The following CNTNAP2 variants were observed in gnomAD, a reference collection of about 807,000 sequenced individuals.
CNTNAP2 encodes contactin associated protein 2, also known as contactin-associated protein-like 2.
CNTNAP2 carries 98 observed loss-of-function variants against 155.2 expected under a neutral mutation model. The ratio of observed to expected loss-of-function variants is 0.63; its 90% CI spans 0.54 to 0.75. The LOEUF (loss-of-function observed/expected upper bound fraction) is 0.75. CNTNAP2 is among the 30% of genes least tolerant of loss of function. The pLI is 0.00. For synonymous variants in CNTNAP2, 651 were observed against 631.2 expected (o/e 1.03, Z -0.47); for missense variants, 1,727 against 1,688.1 (o/e 1.02, Z -0.40).
chr7:147,434,804 A>G (rs1367983155), intron 10 of CNTNAP2, among the ~76,000 whole-genome samples: 1 of 152,214 alleles, frequency 6.6e-6, no homozygotes, highest in Admixed American at 6.5e-5. Flanking sequence ...ATGGTCTGCT[A>G]TGCTGCGCAG....
intron 10 of CNTNAP2, among the ~76,000 whole-genome samples, chr7:147,465,334 A>G (rs1160046824): frequency 1.3e-5 from 2 of 152,078 alleles, no homozygotes; most frequent in Middle Eastern, 3.4e-3. Context: ...GAAAAAATGT[A>G]TATTTCATTT....
At chr7:147,376,847 T>C (rs1796443066) in intron 9 of CNTNAP2, among the ~76,000 whole-genome samples, 1 of 151,944 alleles carries the variant, frequency 6.6e-6, no homozygotes, top group Non-Finnish European at 1.5e-5. Context: ...CTACTGTATA[T>C]TACAAATGAT....
intron 1 of CNTNAP2, among the ~76,000 whole-genome samples, chr7:146,503,082 G>T (rs765552150): frequency 6.6e-6 from 1 of 151,888 alleles, no homozygotes; most frequent in Non-Finnish European, 1.5e-5. Flanking sequence ...TATTTATTCT[G>T]GTTATTTATC....
Position 147,416,852 on chromosome 7 carries a change from G to A in CNTNAP2, c.1670+21072G>A, listed in dbSNP as rs1797201560. 2.0e-5 allele frequency among the ~76,000 whole-genome samples: 3 copies of A among 152,076 alleles called. No homozygotes were observed. The South Asian group carries it at 6.2e-4, about 31-fold the overall frequency. On this transcript the variant is annotated intron_variant, in intron 10 of 23. Coordinates refer to ENST00000361727, the MANE Select transcript of CNTNAP2 (RefSeq NM_014141.6). Reference sequence around the variant, plus strand: ...CTCAGTAATCCTAGCACTTTGGGAGGCCAAGGCAGGCAGATCACCTGAGTT... The same window carrying A: ...CTCAGTAATCCTAGCACTTTGGGAGACCAAGGCAGGCAGATCACCTGAGTT...
At chr7:147,491,471 G>C (rs6961756) in intron 11 of CNTNAP2, among the ~76,000 whole-genome samples, 104,769 of 152,034 alleles carry the variant, frequency 0.69, 36,266 homozygotes, top group African/African-American at 0.72. Context: ...ACACACATAT[G>C]TCTTTTAGCA....
intron 1 of CNTNAP2, among the ~76,000 whole-genome samples, chr7:146,361,117 A>T (rs1795076129): frequency 6.6e-6 from 1 of 152,158 alleles, no homozygotes; most frequent in Admixed American, 6.5e-5. Context: ...AGAACGACAA[A>T]TTCCTGAAAT....
At chr7:147,242,987 A>ATTTTTTTTTTTTTTTTTTTTTTTTTTTTT (rs766917054) in intron 8 of CNTNAP2, among the ~76,000 whole-genome samples, 3 of 47,168 alleles carry the variant, frequency 6.4e-5, no homozygotes, top group African/African-American at 8.5e-5. Flanking sequence ...TATGCTTTGC[A>ATTTTTTTTTTTTTTTTTTTTTTTTTTTTT]TTTTTTTTTT....
At chr7:148,409,006 T>C (rs1799766227) in intron 22 of CNTNAP2, among the ~76,000 whole-genome samples, 1 of 152,224 alleles carries the variant, frequency 6.6e-6, no homozygotes, top group South Asian at 2.1e-4. Flanking sequence ...CATCTACAAA[T>C]ACATTGAATG....
intron 1 of CNTNAP2, among the ~76,000 whole-genome samples, chr7:146,203,711 T>G (rs956190271): frequency 2.6e-5 from 4 of 152,074 alleles, no homozygotes; most frequent in African/African-American, 9.6e-5. Context: ...CCTGCCTTGG[T>G]TTTTCTGGTT....
intron 1 of CNTNAP2, among the ~76,000 whole-genome samples, chr7:146,335,671 C>G (rs1801262210): frequency 6.6e-6 from 1 of 152,102 alleles, no homozygotes; most frequent in African/African-American, 2.4e-5. Context: ...AAAAAGTCTC[C>G]CTTTTAATAT....
chr7:146,340,187 A>G (rs1288101246), intron 1 of CNTNAP2, among the ~76,000 whole-genome samples: 3 of 149,684 alleles, frequency 2.0e-5, no homozygotes, highest in Admixed American at 2.0e-4. Flanking sequence ...AAAAAAAAAA[A>G]AAAAGAAATA....
chr7:146,716,939 G>A lies in CNTNAP2; in HGVS notation c.98-57332G>A, dbSNP rs192429153. Among the ~76,000 whole-genome samples the A allele has an allele frequency of 9.5e-4, 144 of 152,170 alleles. 1 individual carries two copies. In the East Asian group the frequency reaches 0.023, roughly 25 times the overall value. ...ATCAGGAAAATTAAAATAAATGGGG[G>A]CCTCAATTATATCTAGAAAGATATT... is the stretch of plus-strand genomic sequence containing the variant. On this transcript the variant is annotated intron_variant, in intron 1 of 23. Coordinates refer to ENST00000361727, the MANE Select transcript of CNTNAP2 (RefSeq NM_014141.6).
At chr7:147,140,011 C>A (rs1563090728) in intron 8 of CNTNAP2, among the ~76,000 whole-genome samples, 1 of 152,028 alleles carries the variant, frequency 6.6e-6, no homozygotes, top group Non-Finnish European at 1.5e-5. Context: ...TGAGCTCAGA[C>A]CCTACTTCTG....
chr7:147,424,711 G>A (rs1797350927), intron 10 of CNTNAP2, among the ~76,000 whole-genome samples: 1 of 152,102 alleles, frequency 6.6e-6, no homozygotes, highest in Non-Finnish European at 1.5e-5. Flanking sequence ...AGTCAGCACA[G>A]TCTAACAAAC....
intron 14 of CNTNAP2, among the ~76,000 whole-genome samples, chr7:147,925,583 C>T (rs1263400094): frequency 6.6e-6 from 1 of 152,016 alleles, no homozygotes; most frequent in Non-Finnish European, 1.5e-5. Flanking sequence ...TCTCTTGCCT[C>T]AGCCTCCCGA....
intron 10 of CNTNAP2, among the ~76,000 whole-genome samples, chr7:147,409,810 A>G (rs964168459): frequency 6.6e-6 from 1 of 152,120 alleles, no homozygotes; most frequent in South Asian, 2.1e-4. Flanking sequence ...AAACCTCAAC[A>G]TCACTGATCA....
chr7:148,217,567 C>A lies in CNTNAP2; in HGVS notation c.3247+43C>A, dbSNP rs369639934. 10 of 1,581,260 alleles carry A rather than the reference C, an allele frequency of 6.3e-6. No individual in the cohort carries two copies. In the African/African-American group the frequency reaches 1.1e-4, roughly 17 times the overall value. On this transcript the variant is annotated intron_variant, in intron 19 of 23. Coordinates refer to ENST00000361727, the MANE Select transcript of CNTNAP2 (RefSeq NM_014141.6). ...CAGCCTCTGCCATTTAACATTTGGG[C>A]AGACAGAATGTTCTAGCAAGAGTCT...
At chr7:147,388,803 A>C (rs1692259370) in intron 9 of CNTNAP2, among the ~76,000 whole-genome samples, 1 of 152,106 alleles carries the variant, frequency 6.6e-6, no homozygotes. Context: ...GCTGGTCTCA[A>C]ACTCCTAACT....
At chr7:147,361,361 G>T (rs557290267) in intron 9 of CNTNAP2, among the ~76,000 whole-genome samples, 1 of 152,226 alleles carries the variant, frequency 6.6e-6, no homozygotes, top group African/African-American at 2.4e-5. Context: ...ATTCAGTTTT[G>T]TGTGCATGCT....
Sources: gnomAD v4.1 joint callset for allele counts (sites outside exome capture counted in the v4.1 genomes callset) on GRCh38, gnomAD v4.1.1 for gene constraint, MANE v1.5 for transcripts, NCBI Gene and HGNC (gene_info 2026-07-23, HGNC 2026-07-21) for gene names.